The following MYO5B variants were observed in gnomAD, a reference collection of about 807,000 sequenced individuals.
MYO5B encodes the protein unconventional myosin-Vb.
A neutral mutation model predicts 229.3 loss-of-function variants in MYO5B; 143 were observed. That is an observed-to-expected ratio of 0.62 (90% CI 0.54 to 0.72). MYO5B has a LOEUF of 0.72. Among genes scored for constraint, MYO5B ranks in the 30% least tolerant of loss-of-function variants. The probability of loss-of-function intolerance (pLI) is 0.00; values close to 1 mark genes in which losing one functional copy is unlikely to be tolerated. For synonymous variants in MYO5B, 918 were observed against 885.2 expected, an observed-to-expected ratio of 1.04 and a Z score of -0.66; for missense variants, 2,321 against 2,331.0, an observed-to-expected ratio of 1.00 and a Z score of 0.09.
At chr18:50,075,102 C>A (rs1285018035) in intron 1 of MYO5B, among the ~76,000 whole-genome samples, 3 of 152,118 alleles carry the variant, frequency 2.0e-5, no homozygotes, top group South Asian at 2.1e-4. Flanking sequence ...GGCCTGGAGA[C>A]CTGTTTTTCT....
intron 2 of MYO5B, among the ~76,000 whole-genome samples, chr18:50,049,692 A>G (rs1186618528): frequency 6.6e-6 from 1 of 152,160 alleles, no homozygotes; most frequent in Non-Finnish European, 1.5e-5. Context: ...AATCCTCCTC[A>G]TGACAGTTGT....
chr18:49,856,715 C>T (rs576823112), intron 30 of MYO5B, 98 bp downstream of exon 30: 26 of 1,001,010 alleles, frequency 2.6e-5, no homozygotes, highest in Middle Eastern at 2.2e-4. Flanking sequence ...AACTGTTCCC[C>T]GTGCTCTCGC....
intron 1 of MYO5B, among the ~76,000 whole-genome samples, chr18:50,136,079 G>A (rs1001402396): frequency 6.6e-6 from 1 of 152,174 alleles, no homozygotes; most frequent in Non-Finnish European, 1.5e-5. Context: ...ATTCTTCCAC[G>A]GTATCACACG....
At position 49,987,737 on chromosome 18, in the gene MYO5B, G is replaced by T. The variant is rs138497787; in HGVS notation, c.838+2702C>A. On this transcript the variant is annotated intron_variant, in intron 7 of 39. Coordinates refer to ENST00000285039, the MANE Select transcript of MYO5B (RefSeq NM_001080467.3). ...TCCATACAACCACGGAAATGAAAAA[G>T]AAGAAAAGGAATTTACTTCTTATCC... 1.6e-4 allele frequency among the ~76,000 whole-genome samples: 25 copies of T among 152,170 alleles called. 1 individual carries two copies. In the East Asian group the frequency reaches 3.7e-3, roughly 22 times the overall value.
At chr18:49,990,348 C>T in intron 7 of MYO5B, 91 bp downstream of exon 7, 1 of 1,082,052 alleles carries the variant, frequency 9.2e-7, no homozygotes, top group East Asian at 2.4e-5. Flanking sequence ...GACAAGAACC[C>T]ATGACGGAGG....
intron 12 of MYO5B, 124 bp downstream of exon 12, chr18:49,962,142 C>A: frequency 7.8e-7 from 1 of 1,287,560 alleles, no homozygotes; most frequent in Non-Finnish European, 1.1e-6. Context: ...AGCCTGCCAA[C>A]GCTTCTTCCA....
intron 1 of MYO5B, among the ~76,000 whole-genome samples, chr18:50,088,221 A>G (rs1041074692): frequency 6.6e-6 from 1 of 152,042 alleles, no homozygotes. Flanking sequence ...ACCATGGAGG[A>G]CCCCAAACAC....
chr18:49,962,214 T>C, intron 12 of MYO5B, 52 bp downstream of exon 12: 1 of 1,606,470 alleles, frequency 6.2e-7, no homozygotes. Context: ...TGTGATTTCC[T>C]TGTATCACAT....
rs751520054 is a variant in MYO5B at position 50,040,294 on chromosome 18, A to G, written c.159T>C (p.Asp53=). The part of the protein sequence containing the change: ...EDETILEYPI[D]VQRNQLPFLR... ...AGAAGGGCAGCTGGTTGCGTTGTAC[A>G]TCAATTGGGTATTCCAGAATCTAAA... is the stretch of plus-strand genomic sequence containing the variant. The change falls in exon 3 of 40, where the codon GAT becomes GAC. Residue 53 remains aspartate (D), a synonymous_variant. Coordinates refer to ENST00000285039, the MANE Select transcript of MYO5B (RefSeq NM_001080467.3). 21 of 1,614,064 alleles carry G rather than the reference A, an allele frequency of 1.3e-5. No homozygotes were observed. In the East Asian group the frequency reaches 3.3e-4, roughly 26 times the overall value.
At chr18:49,872,433 C>T (rs1260223730) in intron 26 of MYO5B, among the ~76,000 whole-genome samples, 10 of 152,066 alleles carry the variant, frequency 6.6e-5, no homozygotes, top group Admixed American at 1.3e-4. Context: ...TCAACACCTC[C>T]CTCCTGTCCC....
chr18:50,004,364 TA>T (rs1193057479), intron 4 of MYO5B, among the ~76,000 whole-genome samples: 1 of 152,202 alleles, frequency 6.6e-6, no homozygotes, highest in Non-Finnish European at 1.5e-5. Context: ...ACCACAAGTT[TA>T]AAAAATCTTT....
intron 3 of MYO5B, among the ~76,000 whole-genome samples, chr18:50,038,232 A>ACCTTT (rs2029898484): frequency 6.6e-6 from 1 of 152,168 alleles, no homozygotes; most frequent in Non-Finnish European, 1.5e-5. Context: ...AGGTACAAAA[A>ACCTTT]CCAGAAGCCT....
intron 4 of MYO5B, among the ~76,000 whole-genome samples, chr18:50,021,324 A>T (rs1264676764): frequency 6.6e-6 from 1 of 152,204 alleles, no homozygotes; most frequent in Non-Finnish European, 1.5e-5. Context: ...ATGGAGAGAG[A>T]CACAAGAATT....
chr18:49,987,397 C>T (rs79137568), intron 7 of MYO5B, among the ~76,000 whole-genome samples: 1,656 of 152,288 alleles, frequency 0.011, 37 homozygotes, highest in African/African-American at 0.037. Flanking sequence ...ACCTGCTTGG[C>T]TTTCCTGGAT....
chr18:50,162,654 A>T (rs2032784992), intron 1 of MYO5B, among the ~76,000 whole-genome samples: 2 of 152,182 alleles, frequency 1.3e-5, no homozygotes, highest in Admixed American at 1.3e-4. Flanking sequence ...CACATTATCC[A>T]CTAATGCACA....
At chr18:49,887,138 C>T (rs1022934979) in intron 22 of MYO5B, among the ~76,000 whole-genome samples, 1 of 152,006 alleles carries the variant, frequency 6.6e-6, no homozygotes, top group Non-Finnish European at 1.5e-5. Context: ...CTGTTAACCA[C>T]AGCACTCTCA....
chr18:50,160,831 T>G (rs570557065), intron 1 of MYO5B, among the ~76,000 whole-genome samples: 57 of 152,328 alleles, frequency 3.7e-4, no homozygotes, highest in South Asian at 8.3e-4. Flanking sequence ...CTCGATTCCC[T>G]ACACAGTTCA....
intron 1 of MYO5B, among the ~76,000 whole-genome samples, chr18:50,128,296 GA>G (rs919123347): frequency 3.3e-4 from 51 of 152,324 alleles, no homozygotes; most frequent in African/African-American, 1.2e-3. Context: ...AAGGCCATGA[GA>G]AAATGGCTTT....
intron 1 of MYO5B, among the ~76,000 whole-genome samples, chr18:50,176,014 C>CT (rs2032991388): frequency 6.6e-6 from 1 of 152,240 alleles, no homozygotes; most frequent in African/African-American, 2.4e-5. Context: ...TTTCCCTAGA[C>CT]TATAAGTCCT....
Sources: allele counts gnomAD v4.1 joint callset (sites outside exome capture counted in the v4.1 genomes callset), GRCh38; gene constraint gnomAD v4.1.1; transcripts MANE v1.5; gene names NCBI Gene and HGNC (gene_info 2026-07-23, HGNC 2026-07-21).